ROBO2: variants seen among roughly 807,000 people sequenced by gnomAD.
The protein encoded by ROBO2 is roundabout guidance receptor 2.
ROBO2 carries 53 observed loss-of-function variants against 160.8 expected under a neutral mutation model. The observed-to-expected ratio is 0.33, with a 90% CI of 0.26 to 0.41. ROBO2 has a LOEUF of 0.41. ROBO2 is among the 10% of genes least tolerant of loss of function. The pLI is 1.00. For synonymous variants in ROBO2, 664 were observed against 611.7 expected (o/e 1.09, Z -1.26); for missense variants, 1,577 against 1,722.4 (o/e 0.92, Z 1.49).
intron 2 of ROBO2, among the ~76,000 whole-genome samples, chr3:76,348,862 T>G (rs1384838930): frequency 6.6e-6 from 1 of 152,136 alleles, no homozygotes; most frequent in Admixed American, 6.5e-5. Flanking sequence ...GTGTTATTAT[T>G]GAACATGTTC....
At chr3:77,447,217 G>A (rs574711276) in intron 2 of ROBO2, among the ~76,000 whole-genome samples, 85 of 152,150 alleles carry the variant, frequency 5.6e-4, no homozygotes, top group African/African-American at 2.0e-3. Flanking sequence ...TAGCACTATT[G>A]CTTGATAGTC....
chr3:76,859,626 C>T (rs2070524103), intron 2 of ROBO2, among the ~76,000 whole-genome samples: 1 of 152,126 alleles, frequency 6.6e-6, no homozygotes, highest in Non-Finnish European at 1.5e-5. Context: ...CATCGGGGAC[C>T]CTGAGGATGT....
At chr3:77,040,894 T>A (rs1222504981) in intron 1 of ROBO2, 48 bp downstream of exon 1, 33 of 1,580,410 alleles carry the variant, frequency 2.1e-5, no homozygotes, top group Non-Finnish European at 2.7e-5. Context: ...CACCCCCCAA[T>A]CCCCCAAAAC....
intron 2 of ROBO2, among the ~76,000 whole-genome samples, chr3:76,682,822 C>T (rs2092597889): frequency 6.6e-6 from 1 of 152,144 alleles, no homozygotes; most frequent in Admixed American, 6.6e-5. Context: ...AAAAATCAAG[C>T]ACTCCATTAT....
exon 2 of ROBO2, chr3:75,937,546 G>C: frequency 6.3e-7 from 1 of 1,577,306 alleles, no homozygotes; most frequent in Non-Finnish European, 8.6e-7. Flanking sequence ...TGGGCTCCGG[G>C]ACTGTTGATG....
chr3:76,855,986 G>C (rs751426624), intron 2 of ROBO2, among the ~76,000 whole-genome samples: 1 of 152,108 alleles, frequency 6.6e-6, no homozygotes, highest in African/African-American at 2.4e-5. Context: ...TCCCTATGCC[G>C]AATATATGGA....
intron 2 of ROBO2, among the ~76,000 whole-genome samples, chr3:77,011,098 TC>T (rs2061889793): frequency 7.2e-6 from 1 of 138,114 alleles, no homozygotes; most frequent in East Asian, 2.0e-4. Flanking sequence ...TTTCTTTCTA[TC>T]TTTCTTCTTT....
chr3:77,006,305 TTGTGTG>T (rs60754546), intron 2 of ROBO2, among the ~76,000 whole-genome samples: 181 of 143,960 alleles, frequency 1.3e-3, no homozygotes, highest in African/African-American at 3.3e-3. Flanking sequence ...ATTTTAATAT[TTGTGTG>T]TGTGTGTGTG....
At chr3:76,737,092 CAT>C (rs1319401552) in intron 2 of ROBO2, among the ~76,000 whole-genome samples, 4 of 152,256 alleles carry the variant, frequency 2.6e-5, no homozygotes, top group South Asian at 2.1e-4. Flanking sequence ...GTAAGAATCA[CAT>C]GTTTTTACGT....
At chr3:77,287,001 A>G (rs1180468239) in intron 2 of ROBO2, among the ~76,000 whole-genome samples, 1 of 152,228 alleles carries the variant, frequency 6.6e-6, no homozygotes, top group African/African-American at 2.4e-5. Context: ...GGAGGTTGCC[A>G]TTCGTTTGAG....
At chr3:76,743,310 G>A (rs1457464429) in intron 2 of ROBO2, among the ~76,000 whole-genome samples, 1 of 152,022 alleles carries the variant, frequency 6.6e-6, no homozygotes, top group Admixed American at 6.6e-5. Context: ...GAGTCCTAGA[G>A]AAAATAATGG....
At chr3:76,656,061 T>C (rs1000357923) in intron 2 of ROBO2, among the ~76,000 whole-genome samples, 1 of 152,100 alleles carries the variant, frequency 6.6e-6, no homozygotes, top group South Asian at 2.1e-4. Context: ...AATTCTTGGC[T>C]CAATTTTAAG....
At chr3:76,999,769 G>A (rs2061237793) in intron 2 of ROBO2, among the ~76,000 whole-genome samples, 1 of 152,134 alleles carries the variant, frequency 6.6e-6, no homozygotes, top group South Asian at 2.1e-4. Flanking sequence ...GGCTCCTAAG[G>A]CAGGCCTTAT....
intron 2 of ROBO2, among the ~76,000 whole-genome samples, chr3:76,564,901 T>C: frequency 6.6e-6 from 1 of 152,240 alleles, no homozygotes; most frequent in East Asian, 1.9e-4. Flanking sequence ...CTTTATAACA[T>C]CTTTTAGATT....
chr3:76,352,631 C>T (rs926612526), intron 2 of ROBO2, among the ~76,000 whole-genome samples: 1 of 151,842 alleles, frequency 6.6e-6, no homozygotes, highest in Non-Finnish European at 1.5e-5. Flanking sequence ...AAAAAATGGT[C>T]CCGAAAACTT....
chr3:76,131,685 C>A (rs2071227465), intron 2 of ROBO2, among the ~76,000 whole-genome samples: 3 of 152,092 alleles, frequency 2.0e-5, no homozygotes, highest in Non-Finnish European at 4.4e-5. Context: ...CGTTACTAAA[C>A]ACTGCAACAC....
chr3:77,395,592 A>G (rs1368964948), intron 2 of ROBO2, among the ~76,000 whole-genome samples: 4 of 152,170 alleles, frequency 2.6e-5, no homozygotes, highest in Admixed American at 1.3e-4. Flanking sequence ...AATTGCTATC[A>G]TAATTAGTCA....
intron 2 of ROBO2, among the ~76,000 whole-genome samples, chr3:76,235,422 A>G (rs1003094760): frequency 4.6e-5 from 7 of 152,180 alleles, no homozygotes; most frequent in African/African-American, 1.7e-4. Context: ...CCTTCCCTAA[A>G]GCCTTTGGAG....
chr3:76,920,361 C>G (rs550549083), intron 2 of ROBO2, among the ~76,000 whole-genome samples: 2 of 152,116 alleles, frequency 1.3e-5, no homozygotes, highest in African/African-American at 4.8e-5. Context: ...TCATGTATGT[C>G]AAATTTCAAC....
Sources: gnomAD v4.1 joint callset for allele counts (sites outside exome capture counted in the v4.1 genomes callset) on GRCh38, gnomAD v4.1.1 for gene constraint, MANE v1.5 for transcripts, NCBI Gene and HGNC (gene_info 2026-07-23, HGNC 2026-07-21) for gene names.